The following GRK4 variants were observed in gnomAD, a reference collection of about 807,000 sequenced individuals.
GRK4 encodes G protein-coupled receptor kinase 2-like.
In GRK4, 73 loss-of-function variants were observed where a neutral mutation model predicts 77.9. The ratio of observed to expected loss-of-function variants is 0.94; its 90% confidence interval spans 0.78 to 1.14. The LOEUF is 1.14. Among genes scored for constraint, GRK4 ranks in the 50% most tolerant of loss-of-function variants. GRK4 has a pLI of 0.00. For missense variants in GRK4, 729 were observed against 700.2 expected, an observed-to-expected ratio of 1.04 and a Z score of -0.46; for synonymous variants, 257 against 254.4, an observed-to-expected ratio of 1.01 and a Z score of -0.10.
chr4:2,981,957 C>A (rs896312611), intron 1 of GRK4, among the ~76,000 whole-genome samples: 2 of 152,244 alleles, frequency 1.3e-5, no homozygotes, highest in Non-Finnish European at 2.9e-5. Context: ...GTGTCAGCAC[C>A]GCCCCTATCG....
intron 12 of GRK4, among the ~76,000 whole-genome samples, chr4:3,030,645 G>C (rs556242110): frequency 2.2e-4 from 34 of 152,114 alleles, no homozygotes; most frequent in Middle Eastern, 6.8e-3. Context: ...AGGCTCTAGG[G>C]GGTGAGAGGG....
intron 12 of GRK4, 87 bp from the exon 13 acceptor site, chr4:3,035,299 A>G (rs1385785324): frequency 7.5e-7 from 1 of 1,341,004 alleles, no homozygotes; most frequent in African/African-American, 1.4e-5. Context: ...TGCCCTCCCG[A>G]GTCCTTTGGT....
chr4:2,986,539 A>G (rs1426542538), intron 2 of GRK4, among the ~76,000 whole-genome samples: 3 of 151,514 alleles, frequency 2.0e-5, no homozygotes, highest in African/African-American at 7.3e-5. Flanking sequence ...TATTTTTAGT[A>G]GAGACTGGGT....
chr4:2,985,051 T>C lies in GRK4; in HGVS notation c.148+443T>C, dbSNP rs1369422999. On this transcript the variant is annotated intron_variant, in intron 2 of 15. Coordinates refer to ENST00000398052, the MANE Select transcript of GRK4 (RefSeq NM_182982.3). ...CCCCATGACCGAGCCAATTATTGTC[T>C]GTAGAAGAAACACTGTTAAGTATTG... Among the ~76,000 whole-genome samples the C allele has an allele frequency of 2.0e-5, 3 of 152,342 alleles. No homozygotes were observed. The East Asian group carries it at 5.8e-4, about 29-fold the overall frequency.
At chr4:3,040,349 G>C (rs1456997033) in intron 15 of GRK4, among the ~76,000 whole-genome samples, 3 of 152,114 alleles carry the variant, frequency 2.0e-5, no homozygotes, top group Non-Finnish European at 4.4e-5. Context: ...GCTGAGGAAG[G>C]AGAATTGCTT....
chr4:3,021,846 G>A (rs1736175960), intron 9 of GRK4, among the ~76,000 whole-genome samples: 1 of 152,140 alleles, frequency 6.6e-6, no homozygotes, highest in African/African-American at 2.4e-5. Flanking sequence ...CTAACCTCCG[G>A]TACCCACTTG....
intron 3 of GRK4, among the ~76,000 whole-genome samples, chr4:2,989,996 G>A (rs1725633541): frequency 6.6e-6 from 1 of 152,056 alleles, no homozygotes. Context: ...TGTCTTAATT[G>A]TATCGGCAAA....
rs999585137 is a variant in GRK4, at chr4:2,963,724, G to A, written c.-347G>A. 20 of 416,342 alleles carry A rather than the reference G, an allele frequency of 4.8e-5. No individual in the cohort carries two copies. Among genetic ancestry groups the A allele is most frequent in the Non-Finnish European group, 7.2e-5 (17 of 234,556 alleles). 25.8% of individuals were successfully genotyped at this position (416,342 alleles called of 1,614,324 possible). On this transcript the variant is annotated 5_prime_UTR_variant, in exon 1 of 16. Coordinates refer to ENST00000398052, the MANE Select transcript of GRK4 (RefSeq NM_182982.3). ...CACGGCATTGACTCGGGGCTGCCCGGGGGCAGGGCACTGAGGAGGGAGTTG... is the reference window on the plus strand; with the variant it reads ...CACGGCATTGACTCGGGGCTGCCCGAGGGCAGGGCACTGAGGAGGGAGTTG...
intron 1 of GRK4, among the ~76,000 whole-genome samples, chr4:2,982,712 C>A (rs1032405446): frequency 2.6e-5 from 4 of 152,152 alleles, no homozygotes; most frequent in African/African-American, 9.7e-5. Flanking sequence ...CCAGCAATAA[C>A]CCTGAAAAAA....
At chr4:3,000,903 C>T (rs1050913302) in intron 4 of GRK4, among the ~76,000 whole-genome samples, 4 of 151,644 alleles carry the variant, frequency 2.6e-5, no homozygotes, top group Non-Finnish European at 4.4e-5. Context: ...ATGAATGGAC[C>T]GATCTTATTC....
intron 3 of GRK4, among the ~76,000 whole-genome samples, chr4:2,991,287 C>A (rs2109666375): frequency 6.6e-6 from 1 of 152,282 alleles, no homozygotes; most frequent in Admixed American, 6.5e-5. Flanking sequence ...AGGTCAGAGC[C>A]ACCTAGATTA....
intron 12 of GRK4, among the ~76,000 whole-genome samples, chr4:3,030,977 G>T (rs1160384489): frequency 6.6e-6 from 1 of 152,204 alleles, no homozygotes; most frequent in Non-Finnish European, 1.5e-5. Context: ...GAGAGTAAAG[G>T]TGACGCAGAC....
Position 3,033,162 on chromosome 4 carries a change from C to T in GRK4, c.1270-2224C>T, listed in dbSNP as rs115932231. ...CTTTGGGAGGCTGAGGTGGGAGGAT[C>T]ACTTGAGCCAAGGAGCTAGAGACCA... On this transcript the variant is annotated intron_variant, in intron 12 of 15. Transcript: ENST00000398052. Among the ~76,000 whole-genome samples the T allele has an allele frequency of 1.2e-3, 179 of 152,206 alleles. 1 individual carries two copies. The highest frequency in any genetic ancestry group is 4.2e-3 in the African/African-American group (174 of 41,528).
intron 2 of GRK4, among the ~76,000 whole-genome samples, chr4:2,986,280 CTT>C (rs143296789): frequency 3.1e-5 from 4 of 130,642 alleles, no homozygotes; most frequent in African/African-American, 1.1e-4. Context: ...AGAACATTTC[CTT>C]TTTTTTTTTC....
intron 13 of GRK4, among the ~76,000 whole-genome samples, chr4:3,036,599 C>T (rs1182819434): frequency 3.3e-5 from 5 of 152,204 alleles, no homozygotes; most frequent in Non-Finnish European, 1.5e-5. Flanking sequence ...ACTGTACTGG[C>T]GGCAGGTGGA....
rs1009787762 is a variant in GRK4, at chr4:2,988,090, A to T, written c.149-637A>T. On this transcript the variant is annotated intron_variant, in intron 2 of 15. Transcript: ENST00000398052. ...GGCTCTGTCTCAAAAAAAAAAAAAA[A>T]AAAAAAAAAGAAGTAGAATCATATG... 2.0e-5 allele frequency among the ~76,000 whole-genome samples: 3 copies of T among 148,870 alleles called. 1 individual carries two copies. The highest frequency in any genetic ancestry group is 4.5e-5 in the Non-Finnish European group (3 of 67,218).
At chr4:3,021,587 G>T (rs931780825) in intron 9 of GRK4, among the ~76,000 whole-genome samples, 2 of 152,230 alleles carry the variant, frequency 1.3e-5, no homozygotes, top group Non-Finnish European at 2.9e-5. Context: ...TGAGCAAGGG[G>T]TGGATTGCTG....
At position 3,010,202 on chromosome 4, in the gene GRK4, C is replaced by T. The variant is rs151289134; in HGVS notation, c.600+491C>T. Reference sequence around the variant, plus strand: ...CCTAAGGAAATGACTCACAGACTCACGAGGGGTGTTTTTTTTGTTTTGTTT... The same window carrying T: ...CCTAAGGAAATGACTCACAGACTCATGAGGGGTGTTTTTTTTGTTTTGTTT... On this transcript the variant is annotated intron_variant, in intron 7 of 15. Coordinates refer to ENST00000398052, the MANE Select transcript of GRK4 (RefSeq NM_182982.3). 1.6e-4 allele frequency among the ~76,000 whole-genome samples: 24 copies of T among 151,628 alleles called. No homozygotes were observed. In the East Asian group the frequency reaches 3.9e-3, roughly 24 times the overall value.
chr4:3,025,621 T>A (rs1737288491), intron 10 of GRK4, among the ~76,000 whole-genome samples: 1 of 151,882 alleles, frequency 6.6e-6, no homozygotes, highest in South Asian at 2.1e-4. Flanking sequence ...CTCGATCTCC[T>A]GACCTTGTGA....
Sources: allele counts gnomAD v4.1 joint callset (sites outside exome capture counted in the v4.1 genomes callset), GRCh38; gene constraint gnomAD v4.1.1; transcripts MANE v1.5; gene names NCBI Gene and HGNC (gene_info 2026-07-23, HGNC 2026-07-21).